SLC4A4: variants seen among roughly 807,000 people sequenced by gnomAD.
SLC4A4 encodes solute carrier family 4 member 4, also known as electrogenic sodium bicarbonate cotransporter 1.
Under a neutral mutation model 111.5 loss-of-function variants are expected in SLC4A4, and 27 were observed. The observed-to-expected ratio is 0.24, with a 90% CI of 0.18 to 0.33. The LOEUF is 0.33. Among genes scored for constraint, SLC4A4 ranks in the 10% least tolerant of loss-of-function variants. The probability of loss-of-function intolerance (pLI) is 1.00; values close to 1 mark genes in which losing one functional copy is unlikely to be tolerated. For synonymous variants in SLC4A4, 443 were observed against 463.4 expected (o/e 0.96, Z 0.57); for missense variants, 909 against 1,315.5 (o/e 0.69, Z 4.78).
At chr4:71,408,192 T>G (rs1721046740) in intron 7 of SLC4A4, among the ~76,000 whole-genome samples, 1 of 152,184 alleles carries the variant, frequency 6.6e-6, no homozygotes, top group African/African-American at 2.4e-5. Flanking sequence ...ATTGAGTATT[T>G]TAATCACTGT....
intron 2 of SLC4A4, among the ~76,000 whole-genome samples, chr4:71,179,241 C>G (rs1465218986): frequency 6.6e-6 from 1 of 152,106 alleles, no homozygotes; most frequent in African/African-American, 2.4e-5. Context: ...AACCCACAGC[C>G]AATATCATAC....
intron 3 of SLC4A4, among the ~76,000 whole-genome samples, chr4:71,261,663 G>A (rs994707081): frequency 6.6e-6 from 1 of 152,188 alleles, no homozygotes; most frequent in Non-Finnish European, 1.5e-5. Flanking sequence ...AGAGCCTTGA[G>A]TTTCTGAAAT....
At chr4:71,245,236 A>T (rs1415478042) in intron 2 of SLC4A4, among the ~76,000 whole-genome samples, 2 of 152,182 alleles carry the variant, frequency 1.3e-5, no homozygotes, top group Non-Finnish European at 2.9e-5. Flanking sequence ...CTTTTATGTT[A>T]TGCTAAATAT....
At chr4:71,249,865 C>G (rs1370261755) in intron 2 of SLC4A4, among the ~76,000 whole-genome samples, 1 of 144,080 alleles carries the variant, frequency 6.9e-6, no homozygotes, top group African/African-American at 2.5e-5. Flanking sequence ...GCCTGGGCAA[C>G]AGAGCGAGAC....
chr4:71,441,734 G>A (rs937062502), intron 8 of SLC4A4, among the ~76,000 whole-genome samples: 1 of 152,162 alleles, frequency 6.6e-6, no homozygotes, highest in South Asian at 2.1e-4. Context: ...TTTCCTTTAG[G>A]CTTCTTAATT....
rs1414866859 is a variant in SLC4A4 at position 71,440,793 on chromosome 4, G to C, written c.965+20G>C. 6.2e-7 allele frequency: 1 copy of C among 1,613,396 alleles called. No homozygotes were observed. Among genetic ancestry groups the C allele is most frequent in the Non-Finnish European group, 8.5e-7 (1 of 1,179,794 alleles). Reference sequence around the variant, plus strand: ...CACAAGGTAAGCTGCTCTCCTACCTGGGGTCTACAATGTGCTAATAGGGTT... The same window carrying C: ...CACAAGGTAAGCTGCTCTCCTACCTCGGGTCTACAATGTGCTAATAGGGTT... On this transcript the variant is annotated intron_variant, in intron 8 of 25. Transcript: ENST00000264485.
chr4:71,372,999 G>A (rs1199495122), intron 6 of SLC4A4, among the ~76,000 whole-genome samples: 3 of 151,934 alleles, frequency 2.0e-5, no homozygotes, highest in Non-Finnish European at 2.9e-5. Context: ...GAGCATTTCT[G>A]GAATTAAACA....
At chr4:71,554,112 C>T (rs143047578) in intron 20 of SLC4A4, among the ~76,000 whole-genome samples, 2 of 151,918 alleles carry the variant, frequency 1.3e-5, no homozygotes, top group African/African-American at 4.8e-5. Flanking sequence ...CTACTTTAGG[C>T]AATCACAAGG....
At position 71,533,068 on chromosome 4, in the gene SLC4A4, A is replaced by C. The variant is rs1421774644; in HGVS notation, c.2280+893A>C. Among the ~76,000 whole-genome samples, 3 of 152,028 alleles carry C rather than the reference A, an allele frequency of 2.0e-5. 1 individual carries two copies. The South Asian group carries it at 6.2e-4, about 32-fold the overall frequency. On this transcript the variant is annotated intron_variant, in intron 17 of 25. Transcript: ENST00000264485. ...TAGAATAATCCTCCTTCCCTCCACTACTGAGATCATATATTTGCTAAGAAT... is the reference window on the plus strand; with the variant it reads ...TAGAATAATCCTCCTTCCCTCCACTCCTGAGATCATATATTTGCTAAGAAT...
chr4:71,121,387 G>A (rs111831120), intron 2 of SLC4A4, among the ~76,000 whole-genome samples: 18 of 152,342 alleles, frequency 1.2e-4, no homozygotes, highest in African/African-American at 2.9e-4. Context: ...GGGCAGCTCC[G>A]CCCGCGGCCC....
intron 7 of SLC4A4, among the ~76,000 whole-genome samples, chr4:71,410,555 C>T (rs1721279888): frequency 6.6e-6 from 1 of 152,180 alleles, no homozygotes; most frequent in Non-Finnish European, 1.5e-5. Context: ...AAGTAACTAG[C>T]TTGCTTTTGA....
At position 71,350,008 on chromosome 4, in the gene SLC4A4, G is replaced by A; in HGVS notation, c.486G>A (p.Arg162=). ...TLSLHSLFEL[R]TCMEKGSIML... The stretch of plus-strand genomic sequence containing the variant: ...CCCTTCATAGTTTATTTGAGCTGAG[G>A]ACATGTATGGAGAAAGGATCCATCA... Residue 162 remains arginine (R), a synonymous_variant, in exon 5 of 26, where the codon AGG becomes AGA. Transcript: ENST00000264485. 1.9e-6 allele frequency: 3 copies of A among 1,614,066 alleles called. No individual in the cohort carries two copies. Among genetic ancestry groups the A allele is most frequent in the African/African-American group, 1.3e-5 (1 of 75,016 alleles).
At chr4:71,196,834 C>CCAAAA (rs1746026404) in intron 1 of SLC4A4, among the ~76,000 whole-genome samples, 1 of 20,320 alleles carries the variant, frequency 4.9e-5, no homozygotes, top group Non-Finnish European at 9.9e-5. Flanking sequence ...ACTCTGTCTC[C>CCAAAA]AAAAAAAAAA....
chr4:71,111,840 G>A (rs1028832473), intron 2 of SLC4A4, among the ~76,000 whole-genome samples: 2 of 151,174 alleles, frequency 1.3e-5, no homozygotes, highest in African/African-American at 4.9e-5. Context: ...GGGATCACAG[G>A]CACGTGCCAC....
At chr4:71,256,594 A>G (rs1721466703) in intron 3 of SLC4A4, among the ~76,000 whole-genome samples, 1 of 152,152 alleles carries the variant, frequency 6.6e-6, no homozygotes, top group Non-Finnish European at 1.5e-5. Flanking sequence ...GAAGGACCAG[A>G]AGGCAGGAGA....
chr4:71,292,832 G>GTTT (rs1560384000), intron 3 of SLC4A4, among the ~76,000 whole-genome samples: 1 of 138,346 alleles, frequency 7.2e-6, no homozygotes, highest in Non-Finnish European at 1.5e-5. Context: ...TCTTACTTTT[G>GTTT]GTTTTTTTTG....
rs1719959235 is a variant in SLC4A4 at position 71,397,737 on chromosome 4, C to T, written c.807+84C>T. The stretch of plus-strand genomic sequence containing the variant: ...GAGAAAGGATTAGAGGTGATGGTTG[C>T]TTCACTTAAAATGGACCTTTACGTG... On this transcript the variant is annotated intron_variant, in intron 7 of 25. Coordinates refer to ENST00000264485, the MANE Select transcript of SLC4A4 (RefSeq NM_001098484.3). 3 of 1,241,692 alleles carry T rather than the reference C, an allele frequency of 2.4e-6. No homozygotes were observed. In the African/African-American group the frequency reaches 4.4e-5, roughly 18 times the overall value. 76.9% of individuals were successfully genotyped at this position (1,241,692 alleles called of 1,614,324 possible). A position where few individuals can be genotyped will look rare whatever the true frequency, so the allele number is the denominator to read the frequency against.
At chr4:71,350,139 G>T in intron 5 of SLC4A4, 67 bp downstream of exon 5, 1 of 1,469,672 alleles carries the variant, frequency 6.8e-7, no homozygotes, top group African/African-American at 1.4e-5. Context: ...CTCCATCAAG[G>T]CAGATGACTA....
rs565757592 is a variant in SLC4A4, at chr4:71,223,895, C to A, written c.-1-12681C>A. ...AGATTTTCTCAGTCTGCTTCTGCCC[C>A]TCAGGAACCTGAGTCTTCGTGGCCC... On this transcript the variant is annotated intron_variant, in intron 1 of 25. Transcript: ENST00000264485. 5.3e-5 allele frequency among the ~76,000 whole-genome samples: 8 copies of A among 152,234 alleles called. No individual in the cohort carries two copies. The South Asian group carries it at 1.7e-3, about 32-fold the overall frequency.
Sources: gnomAD v4.1 joint callset for allele counts (sites outside exome capture counted in the v4.1 genomes callset) on GRCh38, gnomAD v4.1.1 for gene constraint, MANE v1.5 for transcripts, NCBI Gene and HGNC (gene_info 2026-07-23, HGNC 2026-07-21) for gene names.